BRINP1: variants seen among roughly 807,000 people sequenced by gnomAD.
BRINP1 encodes the protein BMP/retinoic acid-inducible neural-specific protein 1.
A neutral mutation model predicts 72.9 loss-of-function variants in BRINP1; 17 were observed. That is an observed-to-expected ratio of 0.23 (90% confidence interval 0.16 to 0.35). The LOEUF (loss-of-function observed/expected upper bound fraction) is 0.35, where lower values mean the gene tolerates loss of function less well. Ranked by LOEUF, BRINP1 falls within the 10% of genes least tolerant of loss-of-function variation. The pLI, the probability that BRINP1 is intolerant of heterozygous loss-of-function variation, is 1.00. For synonymous variants in BRINP1, 418 were observed against 378.5 expected, an observed-to-expected ratio of 1.10 and a Z score of -1.21; for missense variants, 850 against 1,001.6, an observed-to-expected ratio of 0.85 and a Z score of 2.04.
chr9:119,236,936 C>T (rs1830197504), intron 5 of BRINP1, among the ~76,000 whole-genome samples: 1 of 152,118 alleles, frequency 6.6e-6, no homozygotes, highest in South Asian at 2.1e-4. Flanking sequence ...CTGAATTTCC[C>T]TGAGGGATTT....
chr9:119,301,189 G>T (rs1178422646), intron 2 of BRINP1, among the ~76,000 whole-genome samples: 2 of 152,152 alleles, frequency 1.3e-5, no homozygotes, highest in Admixed American at 6.5e-5. Context: ...ACCTCAAAAA[G>T]TCTCCTTGTC....
rs138407922 is a variant in BRINP1, at chr9:119,228,738, G to A, written c.685+9917C>T. On this transcript the variant is annotated intron_variant, in intron 5 of 7. Coordinates refer to ENST00000265922, the MANE Select transcript of BRINP1 (RefSeq NM_014618.3). ...GAGGAAAGATAATCTGCGTGATTGC[G>A]CGTGTTGGTTATTATCATTGCCTCT... 1.1e-3 allele frequency among the ~76,000 whole-genome samples: 169 copies of A among 152,134 alleles called. 1 individual carries two copies. The highest frequency in any genetic ancestry group is 3.4e-3 in the African/African-American group (142 of 41,526).
chr9:119,200,710 T>C lies in BRINP1; in HGVS notation c.1145+8009A>G, dbSNP rs531033059. Among the ~76,000 whole-genome samples the C allele has an allele frequency of 8.8e-4, 132 of 149,162 alleles. 3 individuals are homozygous for C. In the South Asian group the frequency reaches 0.027, roughly 30 times the overall value. On this transcript the variant is annotated intron_variant, in intron 7 of 7. Transcript: ENST00000265922. Reference sequence around the variant, plus strand: ...ATGGTAAACTGGAACTTGGGTTCAATTGGAAAATTAGAATGAGAAGGAAGC... The same window carrying C: ...ATGGTAAACTGGAACTTGGGTTCAACTGGAAAATTAGAATGAGAAGGAAGC...
At chr9:119,289,334 TG>T in intron 2 of BRINP1, among the ~76,000 whole-genome samples, 1 of 152,306 alleles carries the variant, frequency 6.6e-6, no homozygotes, top group East Asian at 1.9e-4. Context: ...ATTCTCTACC[TG>T]TAAGACGATG....
At chr9:119,273,672 A>G (rs1001399596) in intron 2 of BRINP1, among the ~76,000 whole-genome samples, 4 of 152,116 alleles carry the variant, frequency 2.6e-5, no homozygotes, top group African/African-American at 9.7e-5. Context: ...AGCCTGAATC[A>G]TTCCTTCATG....
At chr9:119,332,290 CA>C (rs577328896) in intron 1 of BRINP1, among the ~76,000 whole-genome samples, 414 of 151,006 alleles carry the variant, frequency 2.7e-3, no homozygotes, top group African/African-American at 7.1e-3. Flanking sequence ...TTACTAATGA[CA>C]AAAAAAAATT....
At chr9:119,202,145 T>C (rs539178271) in intron 7 of BRINP1, among the ~76,000 whole-genome samples, 2 of 152,196 alleles carry the variant, frequency 1.3e-5, no homozygotes, top group African/African-American at 4.8e-5. Flanking sequence ...TATTTAATCA[T>C]CAGCAAGTCA....
intron 2 of BRINP1, among the ~76,000 whole-genome samples, chr9:119,249,850 GGA>G: frequency 3.6e-5 from 3 of 83,834 alleles, no homozygotes; most frequent in African/African-American, 1.6e-4. Context: ...AAGGAAGGAA[GGA>G]AGGGAGGGAG....
chr9:119,258,805 C>T (rs1323630705), intron 2 of BRINP1, among the ~76,000 whole-genome samples: 1 of 152,186 alleles, frequency 6.6e-6, no homozygotes, highest in East Asian at 1.9e-4. Flanking sequence ...CATTATTCTC[C>T]CAACAACCTG....
chr9:119,208,850 C>T lies in BRINP1; in HGVS notation c.1014G>A (p.Leu338=), dbSNP rs754318619. Residue 338 remains leucine (L), a synonymous_variant, in exon 7 of 8, where the codon CTG becomes CTA. Coordinates refer to ENST00000265922, the MANE Select transcript of BRINP1 (RefSeq NM_014618.3). The part of the protein sequence containing the change: ...IHQHWGNDWD[L]QNRYKLLQSA... ...TCTGCAGGAGCTTGTAGCGGTTCTG[C>T]AGGTCCCAGTCATTGCCCCAGTGCT... The T allele has an allele frequency of 6.2e-7, 1 of 1,614,162 alleles. No homozygotes were observed. Among genetic ancestry groups the T allele is most frequent in the Admixed American group, 1.7e-5 (1 of 60,012 alleles).
At chr9:119,307,186 A>C (rs10818296) in intron 2 of BRINP1, among the ~76,000 whole-genome samples, 2 of 151,284 alleles carry the variant, frequency 1.3e-5, no homozygotes, top group African/African-American at 4.9e-5. Context: ...CCAGTTGGAC[A>C]CCAAGAATCT....
At chr9:119,239,771 C>T (rs959605720) in intron 4 of BRINP1, among the ~76,000 whole-genome samples, 5 of 152,066 alleles carry the variant, frequency 3.3e-5, no homozygotes, top group African/African-American at 4.8e-5. Flanking sequence ...TTTAGCACTT[C>T]GGGTGCAGTC....
At chr9:119,332,946 TTTA>T (rs1831313811) in intron 1 of BRINP1, among the ~76,000 whole-genome samples, 1 of 152,180 alleles carries the variant, frequency 6.6e-6, no homozygotes, top group Admixed American at 6.5e-5. Context: ...ATATTCCCAC[TTTA>T]TAGATAAGAA....
At chr9:119,279,513 C>T (rs1452556011) in intron 2 of BRINP1, among the ~76,000 whole-genome samples, 3 of 152,194 alleles carry the variant, frequency 2.0e-5, no homozygotes, top group Non-Finnish European at 2.9e-5. Flanking sequence ...ATCCTCAGCA[C>T]TTAAAATAAT....
chr9:119,221,228 A>G (rs879557677), intron 5 of BRINP1, among the ~76,000 whole-genome samples: 1 of 152,058 alleles, frequency 6.6e-6, no homozygotes, highest in African/African-American at 2.4e-5. Flanking sequence ...TCTGCTTGTC[A>G]AATTCTGTCC....
chr9:119,245,575 T>C (rs1830306323), intron 3 of BRINP1, among the ~76,000 whole-genome samples: 1 of 152,204 alleles, frequency 6.6e-6, no homozygotes, highest in African/African-American at 2.4e-5. Context: ...ATTAGTTTAA[T>C]AGATTTCACC....
intron 2 of BRINP1, among the ~76,000 whole-genome samples, chr9:119,257,984 T>TAGAAAAAAAGAAGA (rs1217292060): frequency 2.6e-5 from 4 of 151,250 alleles, no homozygotes; most frequent in South Asian, 2.1e-4. Flanking sequence ...TGAGGAAAAG[T>TAGAAAAAAAGAAGA]AGAAAAAAAG....
At chr9:119,226,233 C>T (rs1009508518) in intron 5 of BRINP1, among the ~76,000 whole-genome samples, 1 of 151,978 alleles carries the variant, frequency 6.6e-6, no homozygotes, top group African/African-American at 2.4e-5. Flanking sequence ...AATAAACAGG[C>T]ACCATATCTC....
At chr9:119,237,459 T>C (rs534930152) in intron 5 of BRINP1, among the ~76,000 whole-genome samples, 10 of 151,274 alleles carry the variant, frequency 6.6e-5, no homozygotes, top group Non-Finnish European at 1.0e-4. Flanking sequence ...GCCTCCCGGG[T>C]TCATGCCCTT....
Sources: allele counts gnomAD v4.1 joint callset (sites outside exome capture counted in the v4.1 genomes callset), GRCh38; gene constraint gnomAD v4.1.1; transcripts MANE v1.5; gene names NCBI Gene and HGNC (gene_info 2026-07-23, HGNC 2026-07-21).